TBC1D32: variants seen among roughly 807,000 people sequenced by gnomAD.
The protein encoded by TBC1D32 is TBC1 domain family member 32.
In TBC1D32, 151 loss-of-function variants were observed where a neutral mutation model predicts 170.3. The ratio of observed to expected loss-of-function variants is 0.89; its 90% CI spans 0.78 to 1.01. The LOEUF is 1.01. Among genes scored for constraint, TBC1D32 ranks in the 50% least tolerant of loss-of-function variants. The pLI is 0.00. For missense variants in TBC1D32, 1,464 were observed against 1,457.1 expected, an observed-to-expected ratio of 1.00 and a Z score of -0.08; for synonymous variants, 498 against 488.0, an observed-to-expected ratio of 1.02 and a Z score of -0.27.
intron 22 of TBC1D32, among the ~76,000 whole-genome samples, chr6:121,200,776 G>A (rs1013363069): frequency 2.0e-5 from 3 of 151,434 alleles, no homozygotes; most frequent in Non-Finnish European, 2.9e-5. Context: ...TTGTGTTGAA[G>A]GATGGGTTGA....
chr6:121,306,758 A>T (rs1807379953), intron 5 of TBC1D32, among the ~76,000 whole-genome samples: 1 of 152,174 alleles, frequency 6.6e-6, no homozygotes, highest in Non-Finnish European at 1.5e-5. Context: ...AACTGTTCCT[A>T]AAAAGTCATA....
At chr6:121,100,024 A>G (rs761453562) in intron 30 of TBC1D32, among the ~76,000 whole-genome samples, 1 of 151,962 alleles carries the variant, frequency 6.6e-6, no homozygotes, top group African/African-American at 2.4e-5. Context: ...TATGGTATGT[A>G]CCCAGTAGTC....
intron 25 of TBC1D32, among the ~76,000 whole-genome samples, chr6:121,130,631 A>G (rs1413456452): frequency 6.6e-6 from 1 of 152,160 alleles, no homozygotes; most frequent in Non-Finnish European, 1.5e-5. Context: ...AACAGCTGAT[A>G]CTTCTCTTTT....
At chr6:121,142,625 G>C (rs1782934248) in intron 24 of TBC1D32, among the ~76,000 whole-genome samples, 1 of 152,154 alleles carries the variant, frequency 6.6e-6, no homozygotes, top group African/African-American at 2.4e-5. Context: ...ATCTTCTTGA[G>C]ATGTGTCTCT....
chr6:121,191,634 T>C (rs1022180297), intron 22 of TBC1D32, among the ~76,000 whole-genome samples: 5 of 150,506 alleles, frequency 3.3e-5, no homozygotes, highest in Non-Finnish European at 7.4e-5. Context: ...TTGCCTGCAG[T>C]TGGATATTAG....
In TBC1D32 at chr6:121,317,606, C is replaced by G. The variant is rs746413488; in HGVS notation, c.384G>C (p.Lys128Asn). 1 of 1,612,582 alleles carries G rather than the reference C, an allele frequency of 6.2e-7. No individual in the cohort carries two copies. The highest frequency in any genetic ancestry group is 8.5e-7 in the Non-Finnish European group (1 of 1,179,230). ...GATTTCGTGTCTCATCTTCTTCAAA[C>G]TTGTTAATCATAGACTCGACCACAG... ...MIAVVESMIN[K>N]FEEDETRNQE... Residue 128 changes from lysine (K) to asparagine (N), a missense_variant, in exon 3 of 32, where the codon AAG becomes AAC. Lys to Asn is a moderately conservative substitution (Grantham distance 94). This residue lies in a region of TBC1D32 where 1,363 missense variants were observed against 1,338.1 expected (regional missense o/e 1.02). Coordinates refer to ENST00000398212, the MANE Select transcript of TBC1D32 (RefSeq NM_152730.6).
At chr6:121,325,858 T>A (rs549046266) in intron 1 of TBC1D32, among the ~76,000 whole-genome samples, 4 of 151,950 alleles carry the variant, frequency 2.6e-5, no homozygotes, top group East Asian at 3.9e-4. Flanking sequence ...TGGGAGAAAA[T>A]TTTTGCAATC....
rs770852531 is a variant in TBC1D32, at chr6:121,317,525, A to T, written c.465T>A (p.Asn155Lys). The T allele has an allele frequency of 3.1e-6, 5 of 1,610,622 alleles. No individual in the cohort carries two copies. The highest frequency in any genetic ancestry group is 4.2e-6 in the Non-Finnish European group (5 of 1,178,600). ...TCAATGATGAATCACTATCAGAGCA[A>T]TTGTCTGTGCGGTAACTATGGCTTT... ...KEKSHSYRTD[N>K]CSDSDSSLNQ... The change falls in exon 3 of 32, where the codon AAT becomes AAA. Residue 155 changes from asparagine to lysine, a missense_variant. Physicochemically the swap from Asn to Lys is moderately conservative, Grantham distance 94. Transcript: ENST00000398212.
intron 22 of TBC1D32, among the ~76,000 whole-genome samples, chr6:121,169,454 A>G (rs1264104336): frequency 6.6e-6 from 1 of 152,172 alleles, no homozygotes; most frequent in Non-Finnish European, 1.5e-5. Flanking sequence ...TTCACTTTTC[A>G]TTTTAAGTTC....
chr6:121,095,795 T>C (rs1009802449), intron 30 of TBC1D32: 1 of 152,210 alleles, frequency 6.6e-6, no homozygotes, highest in Non-Finnish European at 1.5e-5. Flanking sequence ...TTGATTGTGG[T>C]GGATAAGCTT....
In TBC1D32 at chr6:121,281,621, C is replaced by A. The variant is rs765875717; in HGVS notation, c.1531G>T (p.Ala511Ser). Residue 511 changes from alanine to serine, a missense_variant, in exon 14 of 32, where the codon GCA (alanine) becomes TCA (serine). Around this residue, in one of 3 missense-constraint regions of TBC1D32, gnomAD observed 1,363 missense variants for 1,338.1 expected, o/e 1.02. Coordinates refer to ENST00000398212, the MANE Select transcript of TBC1D32 (RefSeq NM_152730.6). Reference sequence around the variant, plus strand: ...ATGTTGTTATATAAGCATTCCACTGCACATTCTTTTTGATCACTGAGTATC... The same window carrying A: ...ATGTTGTTATATAAGCATTCCACTGAACATTCTTTTTGATCACTGAGTATC... ...LWILSDQKEC[A>S]VECLYNNIVI... 1 of 1,607,270 alleles carries A rather than the reference C, an allele frequency of 6.2e-7. No individual in the cohort carries two copies.
chr6:121,299,525 A>G lies in TBC1D32; in HGVS notation c.1081-20T>C, dbSNP rs1265754735. 1 of 1,498,498 alleles carries G rather than the reference A, an allele frequency of 6.7e-7. No individual in the cohort carries two copies. Among genetic ancestry groups the G allele is most frequent in the Admixed American group, 1.9e-5 (1 of 51,438 alleles). The allele number at this position is 1,498,498 out of a possible 1,614,324, so 92.8% of individuals were successfully genotyped here. A position where few individuals can be genotyped will look rare whatever the true frequency, so the allele number is the denominator to read the frequency against. ...TGCATGCTAAAATTAAAAGGAAATG[A>G]TATTTAATACTCAAGCTGTGCCACT... On this transcript the variant is annotated intron_variant, in intron 9 of 31. Coordinates refer to ENST00000398212, the MANE Select transcript of TBC1D32 (RefSeq NM_152730.6).
Position 121,303,622 on chromosome 6 carries a change from A to T in TBC1D32, c.1075T>A (p.Trp359Arg), listed in dbSNP as rs1480982834. The change falls in exon 9 of 32, where the codon TGG becomes AGG. Residue 359 changes from tryptophan (W) to arginine (R), a missense_variant. Trp to Arg is a moderately radical substitution (Grantham distance 101, BLOSUM62 -3). Coordinates refer to ENST00000398212, the MANE Select transcript of TBC1D32 (RefSeq NM_152730.6). ...VDTKAVWFKK[W>R]MHAHYSRTTV... ...AATATTCTATTTTTCCTTACCATCC[A>T]CTTTTTGAACCACACAGCCTTGGTA... 1.9e-6 allele frequency: 3 copies of T among 1,542,056 alleles called. No homozygotes were observed. Among genetic ancestry groups the T allele is most frequent in the Non-Finnish European group, 2.6e-6 (3 of 1,136,752 alleles).
chr6:121,149,500 T>G (rs557820899), intron 24 of TBC1D32, among the ~76,000 whole-genome samples: 5 of 152,202 alleles, frequency 3.3e-5, no homozygotes, highest in Admixed American at 1.3e-4. Context: ...TCAATACCAT[T>G]TATTAAATAG....
intron 30 of TBC1D32, among the ~76,000 whole-genome samples, chr6:121,095,702 T>G (rs1400278640): frequency 6.6e-6 from 1 of 152,192 alleles, no homozygotes; most frequent in Non-Finnish European, 1.5e-5. Context: ...GTGGTTTTTG[T>G]CATTAGTTCT....
In TBC1D32 at chr6:121,285,738, C is replaced by T. The variant is rs539247110; in HGVS notation, c.1373-1828G>A. Reference sequence around the variant, plus strand: ...AGTAGCCTAACTGGGAGGCACCCCCCAGTAGGGGCAGACTGACACCTCACA... The same window carrying T: ...AGTAGCCTAACTGGGAGGCACCCCCTAGTAGGGGCAGACTGACACCTCACA... On this transcript the variant is annotated intron_variant, in intron 12 of 31. Coordinates refer to ENST00000398212, the MANE Select transcript of TBC1D32 (RefSeq NM_152730.6). 9.7e-4 allele frequency among the ~76,000 whole-genome samples: 148 copies of T among 152,282 alleles called. 1 individual carries two copies. The highest frequency in any genetic ancestry group is 3.4e-3 in the African/African-American group (141 of 41,562).
intron 22 of TBC1D32, among the ~76,000 whole-genome samples, chr6:121,169,224 T>TAG (rs1316170524): frequency 9.9e-5 from 15 of 152,080 alleles, no homozygotes; most frequent in Admixed American, 9.8e-4. Flanking sequence ...AACAGACACA[T>TAG]AGACCAATGG....
At chr6:121,261,197 C>A (rs1799720082) in intron 15 of TBC1D32, among the ~76,000 whole-genome samples, 1 of 152,200 alleles carries the variant, frequency 6.6e-6, no homozygotes, top group Non-Finnish European at 1.5e-5. Context: ...CAGACTTAGT[C>A]TTTCCTCCTG....
chr6:121,218,800 C>G (rs932048241), intron 21 of TBC1D32, among the ~76,000 whole-genome samples: 1 of 152,080 alleles, frequency 6.6e-6, no homozygotes, highest in African/African-American at 2.4e-5. Flanking sequence ...ATGCTGTTTT[C>G]ATGATAGTGA....
Sources: allele counts gnomAD v4.1 joint callset (sites outside exome capture counted in the v4.1 genomes callset), GRCh38; gene constraint gnomAD v4.1.1; regional missense constraint gnomAD v4.1.1; transcripts MANE v1.5; gene names NCBI Gene and HGNC (gene_info 2026-07-23, HGNC 2026-07-21).